SLC25A26: variants seen among roughly 807,000 people sequenced by gnomAD.
The protein encoded by SLC25A26 is solute carrier family 25 member 26, also known as mitochondrial S-adenosylmethionine carrier protein.
SLC25A26 carries 36 observed loss-of-function variants against 37.8 expected under a neutral mutation model. That is an observed-to-expected ratio of 0.95 (90% CI 0.73 to 1.26). The LOEUF (loss-of-function observed/expected upper bound fraction) is 1.26. Ranked by LOEUF, SLC25A26 falls within the 50% of genes most tolerant of loss-of-function variation. SLC25A26 has a pLI of 0.00. For synonymous variants in SLC25A26, 129 were observed against 122.5 expected (o/e 1.05, Z -0.35); for missense variants, 390 against 331.1 (o/e 1.18, Z -1.38).
chr3:66,308,427 T>A (rs2075285486), intron 5 of SLC25A26, among the ~76,000 whole-genome samples: 1 of 152,224 alleles, frequency 6.6e-6, no homozygotes, highest in Admixed American at 6.5e-5. Context: ...TTTCAAAATA[T>A]ACAATCTTGT....
upstream of SLC25A26, among the ~76,000 whole-genome samples, chr3:66,216,520 A>G (rs1243829414): frequency 6.6e-6 from 1 of 152,162 alleles, no homozygotes; most frequent in Non-Finnish European, 1.5e-5. Flanking sequence ...TAAAACAAAC[A>G]AACAAATAAA....
At chr3:66,156,607 T>C (rs977326608) in intron 1 of SLC25A26, among the ~76,000 whole-genome samples, 1 of 152,196 alleles carries the variant, frequency 6.6e-6, no homozygotes, top group Non-Finnish European at 1.5e-5. Flanking sequence ...ATTCTCCTTA[T>C]GCTTGTCATG....
At chr3:66,167,265 C>CTTTCCACACTA (rs1388561672) in intron 1 of SLC25A26, among the ~76,000 whole-genome samples, 1,752 of 152,284 alleles carry the variant, frequency 0.012, 44 homozygotes, top group African/African-American at 0.04. Context: ...CACGATCTGA[C>CTTTCCACACTA]GTCCACTTCA....
rs1164684307 is a variant in SLC25A26, at chr3:66,343,771, CTT to C, written c.454-2590_454-2589del. ...ACTAATCCATAATCATACTGTCAGTCTTTTGGGGCATATTTTATTACATATTA... is the reference window on the plus strand; with the variant it reads ...ACTAATCCATAATCATACTGTCAGTCTTGGGGCATATTTTATTACATATTA... On this transcript the variant is annotated intron_variant, in intron 5 of 9. Coordinates refer to ENST00000354883, the MANE Select transcript of SLC25A26 (RefSeq NM_001379210.1). Among the ~76,000 whole-genome samples the C allele has an allele frequency of 3.9e-5, 6 of 152,168 alleles. No individual in the cohort carries two copies. The East Asian group carries it at 1.2e-3, about 29-fold the overall frequency.
intron 5 of SLC25A26, among the ~76,000 whole-genome samples, chr3:66,293,850 C>T (rs953670038): frequency 3.3e-5 from 5 of 151,964 alleles, no homozygotes; most frequent in African/African-American, 7.3e-5. Context: ...AGTGAACATA[C>T]GTGTGCATGT....
intron 3 of SLC25A26, among the ~76,000 whole-genome samples, chr3:66,249,869 C>G (rs2073011596): frequency 6.6e-6 from 1 of 152,152 alleles, no homozygotes; most frequent in Admixed American, 6.5e-5. Context: ...CCAGGAAACA[C>G]AGAAGCTGAA....
intron 7 of SLC25A26, among the ~76,000 whole-genome samples, chr3:66,366,227 T>G (rs1337882303): frequency 1.3e-5 from 2 of 152,234 alleles, no homozygotes; most frequent in Non-Finnish European, 2.9e-5. Flanking sequence ...TACCAAATAA[T>G]TATTTCCTGT....
chr3:66,153,833 A>G lies in SLC25A26; in HGVS notation c.-354+19849A>G, dbSNP rs559676899. Among the ~76,000 whole-genome samples, 43 of 152,290 alleles carry G rather than the reference A, an allele frequency of 2.8e-4. No homozygotes were observed. The South Asian group carries it at 5.0e-3, about 18-fold the overall frequency. The stretch of plus-strand genomic sequence containing the variant: ...TTCACGATCTTGTCTTCTTCCGAGG[A>G]AAGATTTGTCTGAAGACAGTGTTAC... On this transcript the variant is annotated intron_variant, in intron 1 of 10. Transcript: ENST00000676754.
At chr3:66,339,444 G>T in intron 5 of SLC25A26, among the ~76,000 whole-genome samples, 1 of 151,944 alleles carries the variant, frequency 6.6e-6, no homozygotes, top group Non-Finnish European at 1.5e-5. Context: ...TTTTGAAGAA[G>T]AGCCATACTG....
At chr3:66,212,711 C>T (rs1412635243) in intron 1 of SLC25A26, among the ~76,000 whole-genome samples, 1 of 152,166 alleles carries the variant, frequency 6.6e-6, no homozygotes, top group African/African-American at 2.4e-5. Context: ...CTACTCTGGA[C>T]ATCTCACCTA....
chr3:66,221,028 AGC>A lies in SLC25A26; in HGVS notation c.-61_-60del. On this transcript the variant is annotated 5_prime_UTR_variant, in exon 1 of 10. The change creates a premature stop within an existing upstream ORF in the 5' untranslated region. Transcript: ENST00000354883. ...ACCCGCCTCAAACATGGCGGCGCCC[AGC>A]GCGCGAGGACGTGATCCGCTTCTGC... The A allele has an allele frequency of 6.7e-6, 10 of 1,501,126 alleles. No individual in the cohort carries two copies. Among genetic ancestry groups the A allele is most frequent in the Non-Finnish European group, 9.0e-6 (10 of 1,114,750 alleles). 93.0% of individuals were successfully genotyped at this position (1,501,126 alleles called of 1,614,324 possible). A position where few individuals can be genotyped will look rare whatever the true frequency, so the allele number is the denominator to read the frequency against.
intron 5 of SLC25A26, among the ~76,000 whole-genome samples, chr3:66,318,490 C>T (rs975433769): frequency 6.6e-6 from 1 of 152,106 alleles, no homozygotes; most frequent in African/African-American, 2.4e-5. Flanking sequence ...TCCTTGCTCT[C>T]CATGGGTCAT....
intron 6 of SLC25A26, 92 bp downstream of exon 6, chr3:66,346,500 A>C (rs548739067): frequency 1.8e-6 from 1 of 551,152 alleles, no homozygotes; most frequent in South Asian, 4.4e-5. Context: ...TGTTGACTAG[A>C]AGTTCAGCAA....
At chr3:66,220,926 C>T (rs1172915177), upstream of SLC25A26, 1 of 737,894 alleles carries the variant, frequency 1.4e-6, no homozygotes, top group Non-Finnish European at 2.3e-6. Flanking sequence ...TCTGGCCCTC[C>T]CCTAGGCCCA....
intron 9 of SLC25A26, among the ~76,000 whole-genome samples, chr3:66,375,965 T>A (rs1700624950): frequency 6.6e-6 from 1 of 151,278 alleles, no homozygotes; most frequent in Admixed American, 6.6e-5. Flanking sequence ...CATTAGTGGC[T>A]TCATAGGAGG....
intron 3 of SLC25A26, among the ~76,000 whole-genome samples, chr3:66,246,282 A>T (rs1375989106): frequency 6.6e-6 from 1 of 152,186 alleles, no homozygotes; most frequent in Non-Finnish European, 1.5e-5. Flanking sequence ...GAACCTGGCC[A>T]CTTCATTTCA....
chr3:66,167,159 A>G (rs1005510417), intron 1 of SLC25A26, among the ~76,000 whole-genome samples: 4 of 152,226 alleles, frequency 2.6e-5, no homozygotes, highest in Non-Finnish European at 5.9e-5. Flanking sequence ...ACCAGTGTGA[A>G]AATGGACTAA....
chr3:66,346,045 A>C (rs1334159303), intron 5 of SLC25A26, among the ~76,000 whole-genome samples: 2 of 152,172 alleles, frequency 1.3e-5, no homozygotes, highest in African/African-American at 4.8e-5. Flanking sequence ...ATATACAAAA[A>C]TTAGCTGGGT....
intron 1 of SLC25A26, among the ~76,000 whole-genome samples, chr3:66,223,137 C>T (rs923406125): frequency 6.6e-6 from 1 of 152,144 alleles, no homozygotes; most frequent in African/African-American, 2.4e-5. Flanking sequence ...TGAATAAGTG[C>T]TATGAAAGAA....
Sources: gnomAD v4.1 joint callset for allele counts (sites outside exome capture counted in the v4.1 genomes callset) on GRCh38, gnomAD v4.1.1 for gene constraint, MANE v1.5 for transcripts, NCBI Gene and HGNC (gene_info 2026-07-23, HGNC 2026-07-21) for gene names.